Variants in CYTH1 observed in about 807,000 individuals in gnomAD.
CYTH1 encodes cytohesin-1.
In CYTH1, 18 loss-of-function variants were observed where a neutral mutation model predicts 61.8. That is an observed-to-expected ratio of 0.29 (90% CI 0.20 to 0.43). The LOEUF (loss-of-function observed/expected upper bound fraction) is 0.43, where lower values mean the gene tolerates loss of function less well. Ranked by LOEUF, CYTH1 falls within the 20% of genes least tolerant of loss-of-function variation. The pLI is 1.00. For synonymous variants in CYTH1, 174 were observed against 184.3 expected (o/e 0.94, Z 0.45); for missense variants, 336 against 510.5 (o/e 0.66, Z 3.29).
At chr17:78,743,338 A>G (rs556329944) in intron 1 of CYTH1, among the ~76,000 whole-genome samples, 22 of 152,200 alleles carry the variant, frequency 1.4e-4, no homozygotes, top group African/African-American at 5.1e-4. Flanking sequence ...CAGACTCCAC[A>G]CTGGTCTCCA....
chr17:78,761,487 C>G (rs1416413099), intron 1 of CYTH1, among the ~76,000 whole-genome samples: 1 of 152,128 alleles, frequency 6.6e-6, no homozygotes, highest in African/African-American at 2.4e-5. Flanking sequence ...GCCTGTAATC[C>G]CAACACTTTG....
intron 1 of CYTH1, among the ~76,000 whole-genome samples, chr17:78,728,690 GCTAC>G (rs2093278656): frequency 6.6e-6 from 1 of 152,194 alleles, no homozygotes; most frequent in South Asian, 2.1e-4. Flanking sequence ...TGAGGGTGTA[GCTAC>G]CTGAGATTAA....
chr17:78,680,886 T>C, intron 12 of CYTH1, 85 bp downstream of exon 12: 9 of 1,347,500 alleles, frequency 6.7e-6, no homozygotes, highest in Non-Finnish European at 9.5e-6. Flanking sequence ...CGCTTTTCAG[T>C]TTTTTGGTTT....
chr17:78,718,218 T>TATACAC (rs1359085254), intron 1 of CYTH1, among the ~76,000 whole-genome samples: 25 of 128,336 alleles, frequency 1.9e-4, no homozygotes, highest in African/African-American at 7.1e-4. Flanking sequence ...AAACACTGAA[T>TATACAC]ACACACACAC....
intron 1 of CYTH1, among the ~76,000 whole-genome samples, chr17:78,773,390 G>A (rs1420505199): frequency 6.6e-6 from 1 of 152,142 alleles, no homozygotes; most frequent in Non-Finnish European, 1.5e-5. Context: ...AGCACTTTGG[G>A]AGGCCGAGGC....
At chr17:78,751,743 G>A (rs1425620272) in intron 1 of CYTH1, among the ~76,000 whole-genome samples, 1 of 152,208 alleles carries the variant, frequency 6.6e-6, no homozygotes. Flanking sequence ...CTGCATAAAC[G>A]AAGAAGGAAT....
In CYTH1 at chr17:78,675,968, C is replaced by T; in HGVS notation, c.*123G>A. ...AAAAATAGCAAAAGCTGAAGCTAGT[C>T]TCTAGGAATCCAGGGCGGGGCCTGG... On this transcript the variant is annotated 3_prime_UTR_variant, in exon 14 of 14. Transcript: ENST00000446868. 1.9e-6 allele frequency: 3 copies of T among 1,549,574 alleles called. No homozygotes were observed. The highest frequency in any genetic ancestry group is 2.6e-6 in the Non-Finnish European group (3 of 1,146,060).
intron 1 of CYTH1, among the ~76,000 whole-genome samples, chr17:78,716,024 C>T (rs762749660): frequency 6.6e-6 from 1 of 152,106 alleles, no homozygotes; most frequent in Non-Finnish European, 1.5e-5. Context: ...AAGAAACCCA[C>T]GCTGTAAATA....
intron 11 of CYTH1, among the ~76,000 whole-genome samples, chr17:78,684,030 T>C (rs547159457): frequency 6.6e-6 from 1 of 152,286 alleles, no homozygotes; most frequent in Admixed American, 6.5e-5. Context: ...ATGCACATTC[T>C]TGATGGAATA....
intron 10 of CYTH1, among the ~76,000 whole-genome samples, chr17:78,693,271 T>A (rs2092907060): frequency 6.6e-6 from 1 of 152,006 alleles, no homozygotes; most frequent in Non-Finnish European, 1.5e-5. Flanking sequence ...CTGGCGGTGG[T>A]GGCTGGGAGG....
At chr17:78,755,976 C>T (rs1027867472) in intron 1 of CYTH1, among the ~76,000 whole-genome samples, 21 of 151,574 alleles carry the variant, frequency 1.4e-4, no homozygotes, top group African/African-American at 5.1e-4. Context: ...TTTTTCAGGT[C>T]AAGAAAATAT....
intron 1 of CYTH1, among the ~76,000 whole-genome samples, chr17:78,727,161 A>G (rs2093271091): frequency 6.6e-6 from 1 of 152,200 alleles, no homozygotes; most frequent in Non-Finnish European, 1.5e-5. Flanking sequence ...TGCTGCTCAA[A>G]GGTCCTCTCT....
chr17:78,702,110 C>T lies in CYTH1; in HGVS notation c.356+12G>A, dbSNP rs765936177. 3 of 1,599,940 alleles carry T rather than the reference C, an allele frequency of 1.9e-6. No homozygotes were observed. In the Admixed American group the frequency reaches 5.0e-5, roughly 27 times the overall value. ...GCCTTCCCTAGCATGCGCATAATCC[C>T]CAAGGCCTTACCTCTCCCCTAGGTA... On this transcript the variant is annotated intron_variant, in intron 5 of 13. Coordinates refer to ENST00000446868, the MANE Select transcript of CYTH1 (RefSeq NM_004762.6).
chr17:78,699,406 T>A (rs1257018497), intron 7 of CYTH1, among the ~76,000 whole-genome samples: 2 of 148,578 alleles, frequency 1.3e-5, no homozygotes, highest in Admixed American at 1.3e-4. Context: ...ATGAGATGAA[T>A]CCACATGTAC....
chr17:78,755,389 C>A (rs2093396499), intron 1 of CYTH1, among the ~76,000 whole-genome samples: 1 of 151,176 alleles, frequency 6.6e-6, no homozygotes, highest in Non-Finnish European at 1.5e-5. Context: ...TCGCCTCGGC[C>A]TCCCAAGTGC....
chr17:78,700,142 C>A lies in CYTH1; in HGVS notation c.550+189G>T, dbSNP rs1340847445. 1.3e-5 allele frequency among the ~76,000 whole-genome samples: 2 copies of A among 152,188 alleles called. No homozygotes were observed. Among genetic ancestry groups the A allele is most frequent in the African/African-American group, 2.4e-5 (1 of 41,438 alleles). ...TGTATTTCGTAGTTCAGAGGTACCA[C>A]AATTTAAATTCATAGTGCCTTAATG... On this transcript the variant is annotated intron_variant, in intron 7 of 13. Transcript: ENST00000446868. The surrounding 1 kb of genome is among the most constrained non-coding windows in gnomAD (Gnocchi z 5.1).
rs73389810 is a variant in CYTH1 at position 78,708,640 on chromosome 17, C to A, written c.106-379G>T. Among the ~76,000 whole-genome samples the A allele has an allele frequency of 2.8e-3, 427 of 152,348 alleles. 1 individual carries two copies. Among genetic ancestry groups the A allele is most frequent in the African/African-American group, 9.8e-3 (407 of 41,582 alleles). ...TGCCAGAAAATTCAGAGGACAAAGTCTCCTACCCAAAGCCCAGGCTGCAGA... is the reference window on the plus strand; with the variant it reads ...TGCCAGAAAATTCAGAGGACAAAGTATCCTACCCAAAGCCCAGGCTGCAGA... On this transcript the variant is annotated intron_variant, in intron 2 of 13. Transcript: ENST00000446868.
chr17:78,725,328 G>A (rs759233709), intron 1 of CYTH1, among the ~76,000 whole-genome samples: 6 of 152,088 alleles, frequency 3.9e-5, no homozygotes, highest in East Asian at 3.8e-4. Flanking sequence ...GATAAATTAC[G>A]TGATACAAAC....
intron 12 of CYTH1, 54 bp downstream of exon 12, chr17:78,680,917 T>A (rs1324787040): frequency 1.3e-6 from 2 of 1,570,062 alleles, no homozygotes; most frequent in African/African-American, 1.4e-5. Flanking sequence ...AAAAAAAATC[T>A]TTGAAATGCC....
Sources: gnomAD v4.1 joint callset for allele counts (sites outside exome capture counted in the v4.1 genomes callset) on GRCh38, gnomAD v4.1.1 for gene constraint, Gnocchi (gnomAD v3.1) non-coding constraint, MANE v1.5 for transcripts, NCBI Gene and HGNC (gene_info 2026-07-23, HGNC 2026-07-21) for gene names.